Variants in SDHB observed in about 807,000 individuals in gnomAD.
SDHB encodes succinate dehydrogenase complex iron sulfur subunit B.
In SDHB, 21 loss-of-function variants were observed where a neutral mutation model predicts 39.7. The observed-to-expected ratio is 0.53, with a 90% confidence interval of 0.37 to 0.76. The LOEUF (loss-of-function observed/expected upper bound fraction) is 0.76. Ranked by LOEUF, SDHB falls within the 30% of genes least tolerant of loss-of-function variation. The pLI, the probability that SDHB is intolerant of heterozygous loss-of-function variation, is 0.00. For synonymous variants in SDHB, 118 were observed against 117.0 expected (o/e 1.01, Z -0.06); for missense variants, 343 against 350.9 (o/e 0.98, Z 0.18).
intron 7 of SDHB, among the ~76,000 whole-genome samples, 156 bp from the exon 8 acceptor site, chr1:17,019,114 C>G (rs1033909964): frequency 1.3e-5 from 2 of 151,894 alleles, no homozygotes; most frequent in African/African-American, 4.9e-5. Context: ...GGGCTAAGGG[C>G]TCTCTTCTGT....
chr1:17,028,558 CCA>C, intron 4 of SDHB, 40 bp downstream of exon 4: 1 of 1,608,792 alleles, frequency 6.2e-7, no homozygotes, highest in East Asian at 2.2e-5. Flanking sequence ...GCACTGCCCC[CCA>C]TGCAAATAAA....
At chr1:17,053,559 G>A (rs1304596186) in intron 1 of SDHB, among the ~76,000 whole-genome samples, 1 of 151,894 alleles carries the variant, frequency 6.6e-6, no homozygotes, top group Non-Finnish European at 1.5e-5. Flanking sequence ...TTCACACCCC[G>A]CAGGTCTCCC....
At chr1:17,021,677 G>A (rs2077962756) in intron 7 of SDHB, among the ~76,000 whole-genome samples, 1 of 151,734 alleles carries the variant, frequency 6.6e-6, no homozygotes, top group African/African-American at 2.4e-5. Context: ...CCTGGGAGGC[G>A]GAGGTTGTGG....
At position 17,047,489 on chromosome 1, in the gene SDHB, C is replaced by T. The variant is rs2101544615; in HGVS notation, c.73-2601G>A. 1.3e-5 allele frequency among the ~76,000 whole-genome samples: 2 copies of T among 151,974 alleles called. 1 individual carries two copies. The highest frequency in any genetic ancestry group is 6.8e-3 in the Middle Eastern group (2 of 294). On this transcript the variant is annotated intron_variant, in intron 1 of 7. Coordinates refer to ENST00000375499, the MANE Select transcript of SDHB (RefSeq NM_003000.3). ...ATCAGGGATTCAAGACCAGCCCAGC[C>T]AACATGGTGAAACCCCGTCCCTACT...
intron 2 of SDHB, among the ~76,000 whole-genome samples, chr1:17,035,372 T>C (rs1022607180): frequency 1.3e-5 from 2 of 152,176 alleles, no homozygotes; most frequent in Non-Finnish European, 2.9e-5. Flanking sequence ...GACTAAATCC[T>C]CTTTTGCTTC....
intron 5 of SDHB, among the ~76,000 whole-genome samples, chr1:17,025,752 T>C (rs1363295544): frequency 1.3e-5 from 2 of 152,274 alleles, no homozygotes; most frequent in African/African-American, 4.8e-5. Flanking sequence ...AAGTTCAGCA[T>C]ACTAATTTAA....
intron 1 of SDHB, among the ~76,000 whole-genome samples, chr1:17,047,694 AAAAG>A (rs2078120487): frequency 6.6e-6 from 1 of 151,686 alleles, no homozygotes; most frequent in African/African-American, 2.4e-5. Context: ...AAAAAAAAAA[AAAAG>A]AGAGAGAGTT....
At chr1:17,026,512 G>A (rs1004179254) in intron 5 of SDHB, among the ~76,000 whole-genome samples, 3 of 152,012 alleles carry the variant, frequency 2.0e-5, no homozygotes, top group East Asian at 1.9e-4. Context: ...TTATAGGTGT[G>A]AGCCACCACA....
At chr1:17,048,364 CCA>C (rs2078125179) in intron 1 of SDHB, among the ~76,000 whole-genome samples, 1 of 152,160 alleles carries the variant, frequency 6.6e-6, no homozygotes, top group Admixed American at 6.5e-5. Context: ...GTATCATGTA[CCA>C]CAATTTGCTT....
intron 1 of SDHB, among the ~76,000 whole-genome samples, chr1:17,048,276 C>T (rs1430383836): frequency 1.3e-5 from 2 of 152,204 alleles, no homozygotes; most frequent in Middle Eastern, 6.8e-3. Context: ...TTTATTCAGC[C>T]GAATTCTCCG....
chr1:17,038,712 G>A (rs1177943704), intron 2 of SDHB, among the ~76,000 whole-genome samples: 2 of 152,138 alleles, frequency 1.3e-5, no homozygotes, highest in African/African-American at 4.8e-5. Context: ...TCTTCATCTG[G>A]CTGATGAAGT....
At chr1:17,038,129 A>G (rs1182196559) in intron 2 of SDHB, among the ~76,000 whole-genome samples, 1 of 152,076 alleles carries the variant, frequency 6.6e-6, no homozygotes, top group Non-Finnish European at 1.5e-5. Flanking sequence ...ACAAGAGCGA[A>G]AACTCTGTCT....
At chr1:17,024,555 C>T (rs556533248) in intron 5 of SDHB, among the ~76,000 whole-genome samples, 1 of 152,334 alleles carries the variant, frequency 6.6e-6, no homozygotes, top group Non-Finnish European at 1.5e-5. Context: ...CTGACGGAGG[C>T]CCTGCGCCTT....
At chr1:17,020,412 C>T (rs902696114) in intron 7 of SDHB, among the ~76,000 whole-genome samples, 2 of 152,194 alleles carry the variant, frequency 1.3e-5, no homozygotes, top group Non-Finnish European at 2.9e-5. Context: ...CAAGTCCCTT[C>T]CAGTTTCATG....
At chr1:17,051,960 G>C (rs2078150553) in intron 1 of SDHB, among the ~76,000 whole-genome samples, 1 of 151,666 alleles carries the variant, frequency 6.6e-6, no homozygotes, top group Non-Finnish European at 1.5e-5. Context: ...TCCTGCCTCA[G>C]CCTCCTGTGT....
At position 17,045,760 on chromosome 1, in the gene SDHB, T is replaced by TA. The variant is rs1482261383; in HGVS notation, c.73-873dup. Among the ~76,000 whole-genome samples the TA allele has an allele frequency of 3.9e-5, 6 of 152,306 alleles. No homozygotes were observed. The East Asian group carries it at 1.2e-3, about 29-fold the overall frequency. On this transcript the variant is annotated intron_variant, in intron 1 of 7. Transcript: ENST00000375499. ...ATTACTGAGGCAGGAGAACAGGGTT[T>TA]AGAGACAGGGAGTCTTCACTACAGC...
chr1:17,042,959 T>TTTTC (rs1485822508), intron 2 of SDHB, among the ~76,000 whole-genome samples: 3 of 116,406 alleles, frequency 2.6e-5, no homozygotes, highest in Non-Finnish European at 5.5e-5. Flanking sequence ...TATGAGTTTT[T>TTTTC]TTTTTTTTTT....
chr1:17,036,673 CATAT>C (rs1192589585), intron 2 of SDHB, among the ~76,000 whole-genome samples: 4 of 141,296 alleles, frequency 2.8e-5, no homozygotes, highest in African/African-American at 1.1e-4. Flanking sequence ...CAGGGTTTTA[CATAT>C]ATAAATATAA....
At chr1:17,026,457 C>T (rs1041374368) in intron 5 of SDHB, among the ~76,000 whole-genome samples, 2 of 152,258 alleles carry the variant, frequency 1.3e-5, no homozygotes, top group South Asian at 2.1e-4. Flanking sequence ...CTCCACCTCC[C>T]GGGTTCAAGA....
Sources: gnomAD v4.1 joint callset for allele counts (sites outside exome capture counted in the v4.1 genomes callset) on GRCh38, gnomAD v4.1.1 for gene constraint, MANE v1.5 for transcripts, NCBI Gene and HGNC (gene_info 2026-07-23, HGNC 2026-07-21) for gene names.